CREB5: variants seen among roughly 807,000 people sequenced by gnomAD.
CREB5 encodes cyclic AMP-responsive element-binding protein 5.
In CREB5, 19 loss-of-function variants were observed where a neutral mutation model predicts 57.1. That is an observed-to-expected ratio of 0.33 (90% CI 0.23 to 0.49). CREB5 has a LOEUF of 0.49. Among genes scored for constraint, CREB5 ranks in the 20% least tolerant of loss-of-function variants. CREB5 has a pLI of 0.99. For synonymous variants in CREB5, 238 were observed against 238.3 expected (o/e 1.00, Z 0.01); for missense variants, 579 against 671.6 (o/e 0.86, Z 1.52).
Position 28,787,044 on chromosome 7 carries a change from G to A in CREB5, c.703-17155G>A, listed in dbSNP as rs545692629. 1.4e-4 allele frequency among the ~76,000 whole-genome samples: 22 copies of A among 152,266 alleles called. 1 individual carries two copies. In the South Asian group the frequency reaches 3.1e-3, roughly 22 times the overall value. On this transcript the variant is annotated intron_variant, in intron 7 of 10. Transcript: ENST00000357727. ...CATTGGCCAGGGAGAATTTAGCGAC[G>A]GCCTGGATAACACTCCTGAGGTCTA...
rs993468441 is a variant in CREB5 at position 28,686,011 on chromosome 7, G to C, written c.465-32742G>C. ...GCAAGTGAGCGAGAGCCCAGCCGGA[G>C]GGAGAGCCAGAGCTAGGCGCAAAAG... On this transcript the variant is annotated intron_variant, in intron 5 of 10. Transcript: ENST00000357727. 6 of 844,744 alleles carry C rather than the reference G, an allele frequency of 7.1e-6. No individual in the cohort carries two copies. In the Admixed American group the frequency reaches 1.4e-4, roughly 20 times the overall value. 52.3% of individuals were successfully genotyped at this position (844,744 alleles called of 1,614,324 possible).
intron 1 of CREB5, among the ~76,000 whole-genome samples, chr7:28,478,835 A>T (rs552923315): frequency 1.3e-5 from 2 of 152,332 alleles, no homozygotes; most frequent in East Asian, 3.9e-4. Context: ...ATACCAGCTT[A>T]GTCATCTCTC....
chr7:28,785,243 C>G (rs949676214), intron 7 of CREB5, among the ~76,000 whole-genome samples: 1 of 152,122 alleles, frequency 6.6e-6, no homozygotes, highest in Non-Finnish European at 1.5e-5. Context: ...GCATCTGGGT[C>G]GTATGTCCCA....
chr7:28,401,457 G>A (rs184003589), intron 1 of CREB5, among the ~76,000 whole-genome samples: 336 of 151,454 alleles, frequency 2.2e-3, no homozygotes, highest in Non-Finnish European at 4.0e-3. Flanking sequence ...GTACAGGTAC[G>A]CAACGTACAG....
chr7:28,313,086 A>C (rs765674372), intron 1 of CREB5, among the ~76,000 whole-genome samples: 5 of 152,194 alleles, frequency 3.3e-5, no homozygotes, highest in Non-Finnish European at 7.3e-5. Context: ...GCTGAACCTC[A>C]ATCCCAGAGT....
At chr7:28,439,092 G>A (rs892311807) in intron 1 of CREB5, among the ~76,000 whole-genome samples, 4 of 151,980 alleles carry the variant, frequency 2.6e-5, no homozygotes, top group African/African-American at 7.2e-5. Context: ...ACCCCAAACC[G>A]AACCAAACCA....
intron 8 of CREB5, among the ~76,000 whole-genome samples, chr7:28,805,935 C>G (rs1405751520): frequency 1.3e-5 from 2 of 151,602 alleles, no homozygotes; most frequent in Non-Finnish European, 2.9e-5. Flanking sequence ...AATTGTATAG[C>G]AATCAAATGC....
chr7:28,418,122 C>T (rs939113702), intron 1 of CREB5, among the ~76,000 whole-genome samples: 1 of 152,092 alleles, frequency 6.6e-6, no homozygotes, highest in African/African-American at 2.4e-5. Flanking sequence ...ATCTGGATCC[C>T]CCAGAATTTT....
chr7:28,765,399 C>G (rs959071752), intron 7 of CREB5, among the ~76,000 whole-genome samples: 1 of 152,218 alleles, frequency 6.6e-6, no homozygotes, highest in African/African-American at 2.4e-5. Context: ...TATCAACATT[C>G]CATTCCAACA....
intron 5 of CREB5, among the ~76,000 whole-genome samples, chr7:28,655,409 C>G (rs1583487390): frequency 6.6e-6 from 1 of 152,074 alleles, no homozygotes; most frequent in East Asian, 1.9e-4. Flanking sequence ...GAGTTCAACA[C>G]CAGCTTGGGC....
chr7:28,734,182 T>A (rs1470073482), intron 7 of CREB5, among the ~76,000 whole-genome samples: 1 of 130,686 alleles, frequency 7.7e-6, no homozygotes, highest in Non-Finnish European at 1.5e-5. Context: ...ATCCCCTTGC[T>A]GCAGGCCCAA....
At chr7:28,677,728 C>T (rs1185698332) in intron 5 of CREB5, among the ~76,000 whole-genome samples, 1 of 152,080 alleles carries the variant, frequency 6.6e-6, no homozygotes, top group Non-Finnish European at 1.5e-5. Flanking sequence ...AAGGAATTGG[C>T]CGAGTGTGGT....
At chr7:28,778,230 C>A (rs568915332) in intron 7 of CREB5, among the ~76,000 whole-genome samples, 24 of 152,146 alleles carry the variant, frequency 1.6e-4, no homozygotes, top group Non-Finnish European at 2.8e-4. Context: ...TCTAGTTGTA[C>A]TTTGTAATTT....
At chr7:28,611,485 C>T (rs1167061242) in intron 5 of CREB5, among the ~76,000 whole-genome samples, 1 of 68,276 alleles carries the variant, frequency 1.5e-5, no homozygotes, top group African/African-American at 5.6e-5. Flanking sequence ...AACCCCATCT[C>T]TACTAAAAAA....
At chr7:28,423,086 C>A (rs1369660257) in intron 1 of CREB5, among the ~76,000 whole-genome samples, 1 of 152,160 alleles carries the variant, frequency 6.6e-6, no homozygotes, top group Admixed American at 6.5e-5. Flanking sequence ...TCCCTCCCTT[C>A]TTCCTTTTCT....
Position 28,451,482 on chromosome 7 carries a change from GTGTGTGTGTGTT to G in CREB5, c.4-36689_4-36678del, listed in dbSNP as rs1168357070. Among the ~76,000 whole-genome samples, 3 of 122,974 alleles carry G rather than the reference GTGTGTGTGTGTT, an allele frequency of 2.4e-5. No homozygotes were observed. The East Asian group carries it at 7.3e-4, about 30-fold the overall frequency. The allele number at this position is 122,974 out of a possible 152,430, so 80.7% of individuals were successfully genotyped here. A position where few individuals can be genotyped will look rare whatever the true frequency, so the allele number is the denominator to read the frequency against. On this transcript the variant is annotated intron_variant, in intron 1 of 10. Coordinates refer to ENST00000357727, the MANE Select transcript of CREB5 (RefSeq NM_182898.4). ...TGTGTGTGTGTGTGTGTGTGTGTGT[GTGTGTGTGTGTT>G]TGTCTATATCTATATGTACTTTTTT... is the stretch of plus-strand genomic sequence containing the variant.
Position 28,507,705 on chromosome 7 carries a change from A to G in CREB5, c.259A>G (p.Arg87Gly), listed in dbSNP as rs1456264053. ...ELDCSLEHEF[R>G]KAQEEESSKR... ...GGACTGCTCCCTGGAGCACGAGTTC[A>G]GGAAGGCTCAGGAAGAGGAGAGCAG... The change falls in exon 4 of 11, where the codon AGG (arginine) becomes GGG (glycine). Residue 87 changes from arginine to glycine, a missense_variant. Physicochemically the swap from Arg to Gly is moderately radical, Grantham distance 125. This residue lies in a region of CREB5 where 459 missense variants were observed against 515.7 expected (regional missense o/e 0.89). Transcript: ENST00000357727. 3.1e-6 allele frequency: 5 copies of G among 1,608,502 alleles called. No individual in the cohort carries two copies. Among genetic ancestry groups the G allele is most frequent in the African/African-American group, 1.3e-5 (1 of 74,878 alleles).
chr7:28,748,049 G>A (rs1231304231), intron 7 of CREB5, among the ~76,000 whole-genome samples: 1 of 152,196 alleles, frequency 6.6e-6, no homozygotes, highest in Admixed American at 6.5e-5. Flanking sequence ...CCATGTGGCT[G>A]GCTGCAGATT....
At position 28,821,984 on chromosome 7, in the gene CREB5, A is replaced by C. The variant is rs1021247129; in HGVS notation, c.*2705A>C. 1 of 152,646 alleles carries C rather than the reference A, an allele frequency of 6.6e-6. No homozygotes were observed. Among genetic ancestry groups the C allele is most frequent in the African/African-American group, 2.4e-5 (1 of 41,474 alleles). The allele number at this position is 152,646 out of a possible 1,614,324, so 9.5% of individuals were successfully genotyped here. On this transcript the variant is annotated 3_prime_UTR_variant, in exon 11 of 11. Transcript: ENST00000357727. The stretch of plus-strand genomic sequence containing the variant: ...TTACTTCTGTTCCACCTTTTGATTG[A>C]AATATTTAGTTGTTAGGCTGAAAGC...
Sources: gnomAD v4.1 joint callset for allele counts (sites outside exome capture counted in the v4.1 genomes callset) on GRCh38, gnomAD v4.1.1 for gene constraint, gnomAD v4.1.1 regional missense constraint, MANE v1.5 for transcripts, NCBI Gene and HGNC (gene_info 2026-07-23, HGNC 2026-07-21) for gene names.